Variants in NXPH2 observed in about 807,000 individuals in gnomAD.
NXPH2 encodes the protein neurexophilin-2.
Under a neutral mutation model 19.8 loss-of-function variants are expected in NXPH2, and 5 were observed. That is an observed-to-expected ratio of 0.25 (90% CI 0.13 to 0.53). The LOEUF (loss-of-function observed/expected upper bound fraction) is 0.53, where lower values mean the gene tolerates loss of function less well. NXPH2 is among the 20% of genes least tolerant of loss of function. NXPH2 has a pLI of 0.96. For missense variants in NXPH2, 289 were observed against 322.8 expected (o/e 0.90, Z 0.80); for synonymous variants, 154 against 127.4 (o/e 1.21, Z -1.41).
At chr2:138,773,314 C>A in intron 1 of NXPH2, among the ~76,000 whole-genome samples, 1 of 152,176 alleles carries the variant, frequency 6.6e-6, no homozygotes, top group East Asian at 1.9e-4. Flanking sequence ...TTTCCATAGC[C>A]ATATTCCTCA....
intron 1 of NXPH2, among the ~76,000 whole-genome samples, chr2:138,700,467 A>G (rs188557857): frequency 7.7e-4 from 118 of 152,350 alleles, no homozygotes; most frequent in African/African-American, 2.4e-3. Context: ...GATACCATTA[A>G]TTTCTGAAAG....
chr2:138,681,140 C>T (rs2104969386), intron 1 of NXPH2, among the ~76,000 whole-genome samples: 1 of 152,186 alleles, frequency 6.6e-6, no homozygotes, highest in Non-Finnish European at 1.5e-5. Context: ...TAGCCCTCTT[C>T]TATATAATCA....
intron 1 of NXPH2, among the ~76,000 whole-genome samples, chr2:138,760,629 G>C (rs903382842): frequency 2.6e-5 from 4 of 152,242 alleles, no homozygotes; most frequent in East Asian, 3.9e-4. Context: ...CTCAAAAACT[G>C]CATTAAAAGT....
At chr2:138,715,999 A>G (rs1314214404) in intron 1 of NXPH2, among the ~76,000 whole-genome samples, 1 of 152,170 alleles carries the variant, frequency 6.6e-6, no homozygotes, top group East Asian at 1.9e-4. Flanking sequence ...CAATTGCCTG[A>G]TGATCTACTT....
Position 138,697,518 on chromosome 2 carries a change from T to TA in NXPH2, c.52-25854dup, listed in dbSNP as rs1259796991. 3.9e-5 allele frequency among the ~76,000 whole-genome samples: 6 copies of TA among 152,034 alleles called. No homozygotes were observed. In the East Asian group the frequency reaches 1.2e-3, roughly 29 times the overall value. ...AAAGACTACTTAATAATGTGAAAAA[T>TA]AAAATACTATAAGTGGGGAAAAGTG... On this transcript the variant is annotated intron_variant, in intron 1 of 1. Coordinates refer to ENST00000272641, the MANE Select transcript of NXPH2 (RefSeq NM_007226.3).
At chr2:138,680,504 C>G (rs999996069) in intron 1 of NXPH2, among the ~76,000 whole-genome samples, 3 of 152,212 alleles carry the variant, frequency 2.0e-5, no homozygotes, top group African/African-American at 7.2e-5. Flanking sequence ...CTGAGCAGGA[C>G]AGACACAGGT....
At chr2:138,691,601 A>G (rs1368428859) in intron 1 of NXPH2, among the ~76,000 whole-genome samples, 1 of 152,106 alleles carries the variant, frequency 6.6e-6, no homozygotes, top group East Asian at 1.9e-4. Flanking sequence ...TTTATTCCTC[A>G]CTATTGGGAG....
At chr2:138,743,051 G>T (rs4561601) in intron 1 of NXPH2, among the ~76,000 whole-genome samples, 24,011 of 152,146 alleles carry the variant, frequency 0.16, 2,042 homozygotes, top group East Asian at 0.24. Flanking sequence ...ATAAACAGTT[G>T]TAGCTCACAT....
chr2:138,753,178 A>C (rs1681850787), intron 1 of NXPH2, among the ~76,000 whole-genome samples: 1 of 152,160 alleles, frequency 6.6e-6, no homozygotes, highest in Non-Finnish European at 1.5e-5. Flanking sequence ...TTATTCAATA[A>C]TTTATATCAG....
At chr2:138,751,818 T>C (rs1242823128) in intron 1 of NXPH2, among the ~76,000 whole-genome samples, 1 of 152,158 alleles carries the variant, frequency 6.6e-6, no homozygotes, top group Non-Finnish European at 1.5e-5. Context: ...CCAGGGTGTC[T>C]TCAATTCTTA....
At chr2:138,745,191 C>T (rs552027523) in intron 1 of NXPH2, among the ~76,000 whole-genome samples, 5 of 152,282 alleles carry the variant, frequency 3.3e-5, no homozygotes, top group African/African-American at 9.6e-5. Context: ...TAATGCTTTT[C>T]ATCTTAATGC....
At chr2:138,711,032 T>C (rs376131012) in intron 1 of NXPH2, among the ~76,000 whole-genome samples, 193 of 151,956 alleles carry the variant, frequency 1.3e-3, no homozygotes, top group African/African-American at 4.5e-3. Context: ...TCCTTTTGAC[T>C]CTCATATTGC....
intron 1 of NXPH2, among the ~76,000 whole-genome samples, chr2:138,718,807 T>C (rs1315994968): frequency 6.6e-6 from 1 of 152,190 alleles, no homozygotes; most frequent in African/African-American, 2.4e-5. Flanking sequence ...TTAAAGTTGG[T>C]TCAAAAGCTT....
chr2:138,678,523 T>TG (rs1240029201), intron 1 of NXPH2, among the ~76,000 whole-genome samples: 152 of 152,314 alleles, frequency 1.0e-3, no homozygotes, highest in African/African-American at 3.6e-3. Context: ...AAAATTTCAA[T>TG]TTATAACTCT....
intron 1 of NXPH2, among the ~76,000 whole-genome samples, chr2:138,753,586 A>G (rs148165708): frequency 5.3e-4 from 81 of 152,308 alleles, no homozygotes; most frequent in African/African-American, 1.8e-3. Flanking sequence ...GTGTATGCTA[A>G]CTTGTAAATA....
intron 1 of NXPH2, among the ~76,000 whole-genome samples, chr2:138,756,408 G>C (rs1313192594): frequency 5.3e-5 from 8 of 149,786 alleles, no homozygotes; most frequent in Non-Finnish European, 5.9e-5. Context: ...GGACACACTT[G>C]AAAAGAAATC....
chr2:138,739,979 C>A (rs1681617548), intron 1 of NXPH2, among the ~76,000 whole-genome samples: 1 of 152,120 alleles, frequency 6.6e-6, no homozygotes, highest in South Asian at 2.1e-4. Flanking sequence ...CCCATAATAG[C>A]TGTGGTAATT....
chr2:138,716,147 A>G (rs1175741473), intron 1 of NXPH2, among the ~76,000 whole-genome samples: 1 of 152,168 alleles, frequency 6.6e-6, no homozygotes, highest in Non-Finnish European at 1.5e-5. Flanking sequence ...ATTTCCTTAC[A>G]CTTCATAGCA....
intron 1 of NXPH2, among the ~76,000 whole-genome samples, chr2:138,678,573 G>A (rs1404628629): frequency 6.6e-6 from 1 of 151,834 alleles, no homozygotes; most frequent in Non-Finnish European, 1.5e-5. Context: ...CCTCAGAGTT[G>A]TTTAGGAATT....
Sources: gnomAD v4.1 joint callset for allele counts (sites outside exome capture counted in the v4.1 genomes callset) on GRCh38, gnomAD v4.1.1 for gene constraint, MANE v1.5 for transcripts, NCBI Gene and HGNC (gene_info 2026-07-23, HGNC 2026-07-21) for gene names.